Variants in PTPN14 observed in about 807,000 individuals in gnomAD.
PTPN14 encodes the protein tyrosine-protein phosphatase non-receptor type 14.
A neutral mutation model predicts 126.8 loss-of-function variants in PTPN14; 53 were observed. The ratio of observed to expected loss-of-function variants is 0.42; its 90% CI spans 0.34 to 0.53. PTPN14 has a LOEUF of 0.53. Among genes scored for constraint, PTPN14 ranks in the 20% least tolerant of loss-of-function variants. PTPN14 has a pLI of 0.08. For missense variants in PTPN14, 1,257 were observed against 1,552.9 expected (o/e 0.81, Z 3.20); for synonymous variants, 630 against 599.3 (o/e 1.05, Z -0.75).
At position 214,377,365 on chromosome 1, in the gene PTPN14, GCCTA is replaced by G. The variant is rs552487227; in HGVS notation, c.2688+590_2688+593del. On this transcript the variant is annotated intron_variant, in intron 14 of 18. Transcript: ENST00000366956. ...AAAGAAGGAAACAACAGACACTGGGGCCTACCTGAGGGTGGAGGGTGGAAGGAGG... is the reference window on the plus strand; with the variant it reads ...AAAGAAGGAAACAACAGACACTGGGGCCTGAGGGTGGAGGGTGGAAGGAGG... Among the ~76,000 whole-genome samples the G allele has an allele frequency of 3.5e-3, 531 of 152,236 alleles. 5 individuals are homozygous for G. The highest frequency in any genetic ancestry group is 0.012 in the African/African-American group (514 of 41,516).
chr1:214,434,840 T>C (rs1001778957), intron 3 of PTPN14, among the ~76,000 whole-genome samples: 1 of 152,154 alleles, frequency 6.6e-6, no homozygotes, highest in African/African-American at 2.4e-5. Context: ...TGGCACAGGA[T>C]GCCATTCCAA....
chr1:214,389,396 T>G (rs1658699827), intron 11 of PTPN14, among the ~76,000 whole-genome samples: 1 of 152,234 alleles, frequency 6.6e-6, no homozygotes. Flanking sequence ...TTCTAATACA[T>G]TATTCCATTT....
chr1:214,490,994 A>C (rs1661231654), intron 1 of PTPN14, among the ~76,000 whole-genome samples: 2 of 82,238 alleles, frequency 2.4e-5, no homozygotes, highest in Admixed American at 2.4e-4. Context: ...AAGGAAGGGA[A>C]GGAAAGGAAA....
At position 214,479,809 on chromosome 1, in the gene PTPN14, T is replaced by C. The variant is rs368014000; in HGVS notation, c.-154-14852A>G. On this transcript the variant is annotated intron_variant, in intron 1 of 18. Coordinates refer to ENST00000366956, the MANE Select transcript of PTPN14 (RefSeq NM_005401.5). ...CTGATTATAATTCATTATAAGAATA[T>C]TGGAAATGACAGAAAACTAAAAGAA... Among the ~76,000 whole-genome samples the C allele has an allele frequency of 2.3e-4, 35 of 152,302 alleles. 1 individual carries two copies. In the South Asian group the frequency reaches 6.0e-3, roughly 26 times the overall value.
chr1:214,526,060 G>T (rs1048067988), intron 1 of PTPN14, among the ~76,000 whole-genome samples: 10 of 151,916 alleles, frequency 6.6e-5, no homozygotes, highest in African/African-American at 2.4e-4. Context: ...CTGTCTCCTG[G>T]GTTCCAGCGA....
chr1:214,401,610 G>A, intron 7 of PTPN14, 75 bp downstream of exon 7: 1 of 1,297,490 alleles, frequency 7.7e-7, no homozygotes, highest in Non-Finnish European at 1.1e-6. Flanking sequence ...CTGGCCCACT[G>A]CTATCAACAA....
At chr1:214,406,328 A>G (rs1446140016) in intron 5 of PTPN14, among the ~76,000 whole-genome samples, 1 of 152,070 alleles carries the variant, frequency 6.6e-6, no homozygotes, top group African/African-American at 2.4e-5. Flanking sequence ...AAATACAAAA[A>G]TTAGCCAGGC....
intron 7 of PTPN14, among the ~76,000 whole-genome samples, chr1:214,401,205 G>T (rs865910627): frequency 6.6e-6 from 1 of 152,300 alleles, no homozygotes; most frequent in South Asian, 2.1e-4. Context: ...CACCAAAGGG[G>T]CTAGGAACCC....
chr1:214,487,755 A>G (rs958461781), intron 1 of PTPN14, among the ~76,000 whole-genome samples: 3 of 152,228 alleles, frequency 2.0e-5, no homozygotes, highest in Admixed American at 6.5e-5. Flanking sequence ...GAGAGCTAAC[A>G]TGTTAAGCAG....
intron 7 of PTPN14, among the ~76,000 whole-genome samples, chr1:214,401,342 C>G (rs1241914407): frequency 6.6e-6 from 1 of 152,248 alleles, no homozygotes; most frequent in Non-Finnish European, 1.5e-5. Flanking sequence ...AAGAAAACTA[C>G]TGACTAGAGT....
intron 5 of PTPN14, among the ~76,000 whole-genome samples, chr1:214,407,405 G>A (rs1212297649): frequency 4.6e-5 from 7 of 151,652 alleles, no homozygotes; most frequent in Non-Finnish European, 1.0e-4. Context: ...GTGGGCATCT[G>A]TAATCCCAGC....
At chr1:214,461,038 G>A (rs1188920758) in intron 2 of PTPN14, among the ~76,000 whole-genome samples, 3 of 151,996 alleles carry the variant, frequency 2.0e-5, no homozygotes, top group African/African-American at 4.8e-5. Flanking sequence ...GGGGGAGGGT[G>A]TACATGCACG....
intron 1 of PTPN14, among the ~76,000 whole-genome samples, chr1:214,470,020 G>C (rs1011771631): frequency 6.6e-6 from 1 of 152,116 alleles, no homozygotes; most frequent in Non-Finnish European, 1.5e-5. Context: ...CCCATTTATA[G>C]AAATTAAAGA....
intron 2 of PTPN14, among the ~76,000 whole-genome samples, chr1:214,457,024 G>C (rs1660398959): frequency 6.6e-6 from 1 of 152,130 alleles, no homozygotes; most frequent in African/African-American, 2.4e-5. Flanking sequence ...ATTTAATTGA[G>C]TACCCCCCAA....
At chr1:214,369,256 C>A (rs752613760) in intron 17 of PTPN14, among the ~76,000 whole-genome samples, 2 of 152,148 alleles carry the variant, frequency 1.3e-5, no homozygotes, top group South Asian at 2.1e-4. Flanking sequence ...AGCTTACGTG[C>A]ATGAAAGGTA....
At chr1:214,425,470 A>G (rs558642795) in intron 3 of PTPN14, among the ~76,000 whole-genome samples, 29 of 152,272 alleles carry the variant, frequency 1.9e-4, no homozygotes, top group African/African-American at 6.7e-4. Flanking sequence ...CAAACAACTT[A>G]ATTATGTGCA....
rs115602850 is a variant in PTPN14 at position 214,538,008 on chromosome 1, C to T, written c.-155+13175G>A. 4.7e-3 allele frequency among the ~76,000 whole-genome samples: 719 copies of T among 152,252 alleles called. 5 individuals are homozygous for T. The highest frequency in any genetic ancestry group is 0.016 in the African/African-American group (685 of 41,550). ...TTTTGATAACAAGTCTTCAAGGTCC[C>T]ATGTGTATTTGACACTGACAGCAAT... On this transcript the variant is annotated intron_variant, in intron 1 of 18. Transcript: ENST00000366956.
At chr1:214,411,242 A>G (rs913804792) in intron 5 of PTPN14, among the ~76,000 whole-genome samples, 2 of 152,122 alleles carry the variant, frequency 1.3e-5, no homozygotes, top group Non-Finnish European at 2.9e-5. Context: ...TACTTCTATT[A>G]AACATAGTAC....
At chr1:214,410,957 A>G (rs997019598) in intron 5 of PTPN14, among the ~76,000 whole-genome samples, 1 of 152,172 alleles carries the variant, frequency 6.6e-6, no homozygotes, top group African/African-American at 2.4e-5. Flanking sequence ...CTCCAAATGA[A>G]TTTTAGGATT....
Sources: allele counts gnomAD v4.1 joint callset (sites outside exome capture counted in the v4.1 genomes callset), GRCh38; gene constraint gnomAD v4.1.1; transcripts MANE v1.5; gene names NCBI Gene and HGNC (gene_info 2026-07-23, HGNC 2026-07-21).